The following SFI1 variants were observed in gnomAD, a reference collection of about 807,000 sequenced individuals.
The protein encoded by SFI1 is protein SFI1 homolog.
SFI1 carries 195 observed loss-of-function variants against 207.5 expected under a neutral mutation model. The ratio of observed to expected loss-of-function variants is 0.94; its 90% CI spans 0.84 to 1.06. The LOEUF is 1.06. Among genes scored for constraint, SFI1 ranks in the 50% least tolerant of loss-of-function variants. The pLI, the probability that SFI1 is intolerant of heterozygous loss-of-function variation, is 0.00. For missense variants in SFI1, 1,634 were observed against 1,588.0 expected, an observed-to-expected ratio of 1.03 and a Z score of -0.49; for synonymous variants, 630 against 598.9, an observed-to-expected ratio of 1.05 and a Z score of -0.76.
intron 4 of SFI1, among the ~76,000 whole-genome samples, chr22:31,545,132 C>T (rs749483706): frequency 5.3e-5 from 8 of 151,374 alleles, no homozygotes; most frequent in East Asian, 3.9e-4. Context: ...TTTGGGAGGC[C>T]GAGGCAGGCA....
At chr22:31,508,782 A>G (rs2055049402) in intron 2 of SFI1, among the ~76,000 whole-genome samples, 1 of 152,100 alleles carries the variant, frequency 6.6e-6, no homozygotes, top group African/African-American at 2.4e-5. Context: ...GCCTCTGTAT[A>G]ACTCTCCCTT....
At chr22:31,560,949 C>G (rs2061642993) in intron 7 of SFI1, among the ~76,000 whole-genome samples, 1 of 151,958 alleles carries the variant, frequency 6.6e-6, no homozygotes, top group Non-Finnish European at 1.5e-5. Flanking sequence ...GTAATCCACT[C>G]TCCTCGGCCT....
At chr22:31,548,341 G>A (rs1299185841) in intron 5 of SFI1, among the ~76,000 whole-genome samples, 2 of 151,776 alleles carry the variant, frequency 1.3e-5, no homozygotes, top group Non-Finnish European at 2.9e-5. Context: ...AGGCTGAGGC[G>A]GGTGGATCAC....
chr22:31,595,944 C>T (rs1004767504), intron 15 of SFI1, among the ~76,000 whole-genome samples: 4 of 152,134 alleles, frequency 2.6e-5, no homozygotes, highest in African/African-American at 9.7e-5. Context: ...GGAGAAGTTG[C>T]AGTCATCTTT....
In SFI1 at chr22:31,511,464, G is replaced by GTTTTTTTTTTT. The variant is rs758898165; in HGVS notation, c.92+3100_92+3110dup. 5.2e-4 allele frequency among the ~76,000 whole-genome samples: 59 copies of GTTTTTTTTTTT among 114,516 alleles called. 1 individual carries two copies. Among genetic ancestry groups the GTTTTTTTTTTT allele is most frequent in the East Asian group, 9.7e-4 (3 of 3,108 alleles). The allele number at this position is 114,516 out of a possible 152,430, so 75.1% of individuals were successfully genotyped here. On this transcript the variant is annotated intron_variant, in intron 2 of 32. Coordinates refer to ENST00000400288, the MANE Select transcript of SFI1 (RefSeq NM_001007467.3). ...GGCCTCTAACTCTGGCATAGTTTCTGTTTTTTTTTTTTTTTTTTTTTTGAG... is the reference window on the plus strand; with the variant it reads ...GGCCTCTAACTCTGGCATAGTTTCTGTTTTTTTTTTTTTTTTTTTTTTTTTTTTTTTTTGAG...
chr22:31,556,867 C>A, intron 6 of SFI1, 75 bp from the exon 7 acceptor site: 1 of 966,570 alleles, frequency 1.0e-6, no homozygotes, highest in Non-Finnish European at 1.5e-6. Flanking sequence ...AAAGGAGAGC[C>A]CTTGAGCTTT....
chr22:31,561,145 A>AT (rs1222132968), intron 7 of SFI1, 145 bp from the exon 8 acceptor site: 1 of 652,602 alleles, frequency 1.5e-6, no homozygotes. Context: ...GTTTTGTTTT[A>AT]TTTTTTTCCC....
intron 12 of SFI1, among the ~76,000 whole-genome samples, chr22:31,581,933 T>C (rs576721702): frequency 9.9e-5 from 15 of 151,968 alleles, no homozygotes; most frequent in African/African-American, 3.6e-4. Flanking sequence ...CTCAGAGACA[T>C]TTTCTTATGT....
chr22:31,518,351 C>CT (rs2056797646), intron 2 of SFI1, among the ~76,000 whole-genome samples: 1 of 152,126 alleles, frequency 6.6e-6, no homozygotes. Context: ...GTGGGAAAAA[C>CT]TGACATCTGT....
chr22:31,594,660 C>T (rs1008093520), intron 15 of SFI1, among the ~76,000 whole-genome samples: 2 of 151,450 alleles, frequency 1.3e-5, no homozygotes, highest in African/African-American at 4.9e-5. Context: ...TCAAGACCAT[C>T]CTGGCTAACA....
chr22:31,561,397 G>A lies in SFI1; in HGVS notation c.765+5G>A. 1 of 1,611,874 alleles carries A rather than the reference G, an allele frequency of 6.2e-7. No homozygotes were observed. Among genetic ancestry groups the A allele is most frequent in the Non-Finnish European group, 8.5e-7 (1 of 1,178,962 alleles). On this transcript the variant is annotated splice_donor_5th_base_variant and intron_variant, in intron 8 of 32. Coordinates refer to ENST00000400288, the MANE Select transcript of SFI1 (RefSeq NM_001007467.3). Reference sequence around the variant, plus strand: ...GCCCTGAGCCTCCAGGTGCAGGTGAGTCCAGCAGACGTGGGATTTGGCATC... The same window carrying A: ...GCCCTGAGCCTCCAGGTGCAGGTGAATCCAGCAGACGTGGGATTTGGCATC...
chr22:31,529,650 G>C (rs2147325132), intron 3 of SFI1, among the ~76,000 whole-genome samples: 1 of 152,322 alleles, frequency 6.6e-6, no homozygotes, highest in South Asian at 2.1e-4. Flanking sequence ...AGGTAGGCTT[G>C]ATAGACTCTT....
chr22:31,611,895 G>A, intron 24 of SFI1, 55 bp downstream of exon 24: 2 of 1,606,346 alleles, frequency 1.2e-6, no homozygotes, highest in Non-Finnish European at 1.7e-6. Flanking sequence ...TCTGGCCTGT[G>A]AGGCCTGGGC....
chr22:31,578,237 C>T lies in SFI1; in HGVS notation c.1085-145C>T, dbSNP rs187704449. The T allele has an allele frequency of 1.5e-3, 830 of 539,754 alleles. 7 individuals carry two copies. Among genetic ancestry groups the T allele is most frequent in the African/African-American group, 0.014 (746 of 52,514 alleles). 33.4% of individuals were successfully genotyped at this position (539,754 alleles called of 1,614,324 possible). A position where few individuals can be genotyped will look rare whatever the true frequency, so the allele number is the denominator to read the frequency against. On this transcript the variant is annotated intron_variant, in intron 10 of 32. Transcript: ENST00000400288. The stretch of plus-strand genomic sequence containing the variant: ...CCCTTTGCCCACTGCTTCCCTGGGT[C>T]ATCAGGAGTAGACAGAGGTGGACCT...
intron 4 of SFI1, among the ~76,000 whole-genome samples, chr22:31,546,396 T>C (rs1215091242): frequency 6.6e-6 from 1 of 152,018 alleles, no homozygotes; most frequent in Non-Finnish European, 1.5e-5. Context: ...AGTGGTGCAG[T>C]CTCAGCTCAC....
At chr22:31,506,589 A>G (rs1197397032) in intron 1 of SFI1, among the ~76,000 whole-genome samples, 3 of 152,106 alleles carry the variant, frequency 2.0e-5, no homozygotes, top group Non-Finnish European at 2.9e-5. Flanking sequence ...TGCAGATGAC[A>G]TGATTCTGTA....
At chr22:31,515,319 TCGTG>T (rs1396695126) in intron 2 of SFI1, among the ~76,000 whole-genome samples, 2 of 88,600 alleles carry the variant, frequency 2.3e-5, no homozygotes, top group African/African-American at 4.0e-5. Context: ...GTCTCATTGT[TCGTG>T]TGTGTGTGTG....
intron 15 of SFI1, among the ~76,000 whole-genome samples, 166 bp from the exon 16 acceptor site, chr22:31,602,046 A>C (rs1233618515): frequency 6.6e-6 from 1 of 152,038 alleles, no homozygotes; most frequent in East Asian, 1.9e-4. Flanking sequence ...TGGCCTCCCA[A>C]AGTATTAGGA....
chr22:31,510,260 T>A (rs2055299340), intron 2 of SFI1, among the ~76,000 whole-genome samples: 1 of 152,032 alleles, frequency 6.6e-6, no homozygotes, highest in Admixed American at 6.6e-5. Flanking sequence ...AGTGGCACGA[T>A]CACAGCTCAG....
Sources: allele counts gnomAD v4.1 joint callset (sites outside exome capture counted in the v4.1 genomes callset), GRCh38; gene constraint gnomAD v4.1.1; transcripts MANE v1.5; gene names NCBI Gene and HGNC (gene_info 2026-07-23, HGNC 2026-07-21).